HMOX1: variants seen among roughly 807,000 people sequenced by gnomAD.
HMOX1 encodes heme oxygenase 1, also known as heat shock protein, 32-kD.
HMOX1 carries 22 observed loss-of-function variants against 27.8 expected under a neutral mutation model. The observed-to-expected ratio is 0.79, with a 90% CI of 0.57 to 1.13. The LOEUF is 1.13. Among genes scored for constraint, HMOX1 ranks in the 50% most tolerant of loss-of-function variants. The probability of loss-of-function intolerance (pLI) is 0.00; values close to 1 mark genes in which losing one functional copy is unlikely to be tolerated. For synonymous variants in HMOX1, 153 were observed against 151.6 expected (o/e 1.01, Z -0.07); for missense variants, 379 against 377.7 (o/e 1.00, Z -0.03).
chr22:35,391,650 G>A (rs1931727520), intron 4 of HMOX1, among the ~76,000 whole-genome samples: 1 of 128,386 alleles, frequency 7.8e-6, no homozygotes, highest in African/African-American at 3.1e-5. Context: ...CTGGAGTGTA[G>A]TGGCACAATC....
intron 3 of HMOX1, among the ~76,000 whole-genome samples, chr22:35,389,374 TCC>T (rs879448434): frequency 0.063 from 4,671 of 74,012 alleles, 438 homozygotes; most frequent in African/African-American, 0.071. Context: ...CTTCCTTCCT[TCC>T]TTCCTTCCTT....
intron 2 of HMOX1, among the ~76,000 whole-genome samples, chr22:35,384,351 T>G (rs1931458226): frequency 6.6e-6 from 1 of 152,000 alleles, no homozygotes; most frequent in African/African-American, 2.4e-5. Context: ...CCCAAAGTGC[T>G]GGGATTAGAG....
intron 1 of HMOX1, among the ~76,000 whole-genome samples, chr22:35,382,146 G>T (rs1053554052): frequency 5.3e-5 from 8 of 152,066 alleles, no homozygotes; most frequent in African/African-American, 1.9e-4. Flanking sequence ...GGAGATGCCG[G>T]TTCATGGGGC....
At chr22:35,389,418 TTCTTTCTTTCTA>T (rs879297427) in intron 3 of HMOX1, among the ~76,000 whole-genome samples, 8,618 of 107,304 alleles carry the variant, frequency 0.08, 764 homozygotes, top group Non-Finnish European at 0.1. Flanking sequence ...CTTTCTTTCT[TTCTTTCTTTCTA>T]TCTTTCTTTC....
chr22:35,385,558 G>A (rs182401520), intron 2 of HMOX1, among the ~76,000 whole-genome samples: 17 of 146,870 alleles, frequency 1.2e-4, no homozygotes, highest in Admixed American at 2.7e-4. Context: ...CCCTGCCTCC[G>A]CCTCTGGAGT....
At chr22:35,386,274 A>T (rs1931501597) in intron 2 of HMOX1, among the ~76,000 whole-genome samples, 1 of 151,228 alleles carries the variant, frequency 6.6e-6, no homozygotes, top group East Asian at 2.0e-4. Flanking sequence ...CTAGTTTTTT[A>T]AAATAATTTT....
intron 4 of HMOX1, among the ~76,000 whole-genome samples, chr22:35,391,042 GC>G (rs1382130382): frequency 6.6e-6 from 1 of 152,100 alleles, no homozygotes; most frequent in Non-Finnish European, 1.5e-5. Flanking sequence ...GTTATATTAG[GC>G]CTCCCCTCCT....
intron 4 of HMOX1, among the ~76,000 whole-genome samples, chr22:35,391,107 G>A (rs966701530): frequency 6.6e-6 from 1 of 152,068 alleles, no homozygotes; most frequent in Non-Finnish European, 1.5e-5. Context: ...CAGACCACAC[G>A]GACCCCTCTG....
At chr22:35,387,425 C>T (rs1233347456) in intron 3 of HMOX1, among the ~76,000 whole-genome samples, 2 of 152,336 alleles carry the variant, frequency 1.3e-5, no homozygotes, top group African/African-American at 2.4e-5. Flanking sequence ...AGTGAATTTA[C>T]AGCAGTAAAG....
intron 4 of HMOX1, chr22:35,390,218 G>A: frequency 1.9e-6 from 1 of 521,444 alleles, no homozygotes; most frequent in South Asian, 2.0e-5. Flanking sequence ...GAGCCACCAT[G>A]CCAGCCTGAA....
At chr22:35,389,825 CT>C in intron 3 of HMOX1, 38 bp from the exon 4 acceptor site, 1 of 1,394,968 alleles carries the variant, frequency 7.2e-7, no homozygotes, top group Middle Eastern at 2.4e-4. Context: ...CTGGTAGCAT[CT>C]CTCACTGAGA....
chr22:35,386,971 G>A lies in HMOX1; in HGVS notation c.431G>A (p.Gly144Asp), dbSNP rs368454530. The A allele has an allele frequency of 3.1e-6, 5 of 1,613,916 alleles. No individual in the cohort carries two copies. The highest frequency in any genetic ancestry group is 2.7e-5 in the African/African-American group (2 of 74,942). The stretch of plus-strand genomic sequence containing the variant: ...CGCTACCTGGGTGACCTGTCTGGGG[G>A]CCAGGTGCTCAAAAAGATTGCCCAG... ...YTRYLGDLSGGQVLKKIAQKA... is the reference protein window; with the variant it reads ...YTRYLGDLSGDQVLKKIAQKA... The change falls in exon 3 of 5, where the codon GGC becomes GAC. Residue 144 changes from glycine to aspartate, a missense_variant. Physicochemically the swap from Gly to Asp is moderately conservative, Grantham distance 94 (BLOSUM62 -1). Transcript: ENST00000216117.
At chr22:35,389,395 C>CCCTCCCTCCTTCCTTT (rs1931638014) in intron 3 of HMOX1, among the ~76,000 whole-genome samples, 1 of 51,786 alleles carries the variant, frequency 1.9e-5, no homozygotes, top group South Asian at 8.0e-4. Flanking sequence ...TTCCTTCCTT[C>CCCTCCCTCCTTCCTTT]CTTTCTTTCT....
In HMOX1 at chr22:35,393,673, T is replaced by C. The variant is rs539113031; in HGVS notation, c.*75T>C. On this transcript the variant is annotated 3_prime_UTR_variant, in exon 5 of 5. Transcript: ENST00000216117. ...CTTCTTTCTAGAGAGGGAATTCTCT[T>C]GGCTGGCTTCCTTACCGTGGGCACT... The C allele has an allele frequency of 6.3e-7, 1 of 1,584,038 alleles. No homozygotes were observed. The highest frequency in any genetic ancestry group is 2.2e-5 in the East Asian group (1 of 44,646).
At chr22:35,386,535 G>T (rs1419801631) in intron 2 of HMOX1, 150 bp from the exon 3 acceptor site, 1 of 951,034 alleles carries the variant, frequency 1.1e-6, no homozygotes. Flanking sequence ...TGGCTGCTGT[G>T]TGAAGAGGAT....
At chr22:35,387,240 T>C (rs1931535149) in intron 3 of HMOX1, 64 bp downstream of exon 3, 2 of 1,587,128 alleles carry the variant, frequency 1.3e-6, no homozygotes, top group Non-Finnish European at 1.7e-6. Flanking sequence ...GGGACCCTTC[T>C]CATTGTAGGG....
intron 1 of HMOX1, 35 bp downstream of exon 1, chr22:35,381,231 T>C: frequency 6.5e-7 from 1 of 1,538,584 alleles, no homozygotes; most frequent in Non-Finnish European, 8.7e-7. Context: ...GACGGGCGCC[T>C]TTCTCTCCCA....
At chr22:35,389,752 TA>T in intron 3 of HMOX1, 111 bp from the exon 4 acceptor site, 1 of 805,936 alleles carries the variant, frequency 1.2e-6, no homozygotes, top group Non-Finnish European at 2.1e-6. Flanking sequence ...ATATTTTTCT[TA>T]CCATCTTGTT....
intron 2 of HMOX1, among the ~76,000 whole-genome samples, chr22:35,383,964 G>T (rs1931447299): frequency 6.6e-6 from 1 of 152,094 alleles, no homozygotes; most frequent in South Asian, 2.1e-4. Flanking sequence ...AGCTTGTTCA[G>T]GTTGAACAGA....
Sources: allele counts gnomAD v4.1 joint callset (sites outside exome capture counted in the v4.1 genomes callset), GRCh38; gene constraint gnomAD v4.1.1; transcripts MANE v1.5; gene names NCBI Gene and HGNC (gene_info 2026-07-23, HGNC 2026-07-21).